ASTN2: variants seen among roughly 807,000 people sequenced by gnomAD.
ASTN2 encodes the protein astrotactin-2.
ASTN2 carries 54 observed loss-of-function variants against 139.8 expected under a neutral mutation model. The ratio of observed to expected loss-of-function variants is 0.39; its 90% CI spans 0.31 to 0.48. ASTN2 has a LOEUF of 0.48. ASTN2 is among the 20% of genes least tolerant of loss of function. ASTN2 has a pLI of 0.95. For missense variants in ASTN2, 1,565 were observed against 1,725.1 expected (o/e 0.91, Z 1.64); for synonymous variants, 756 against 719.5 (o/e 1.05, Z -0.81).
At chr9:117,044,320 C>T (rs1374806020) in intron 5 of ASTN2, among the ~76,000 whole-genome samples, 2 of 152,156 alleles carry the variant, frequency 1.3e-5, no homozygotes, top group African/African-American at 4.8e-5. Flanking sequence ...TGTGGGGCCC[C>T]ATTTACTCGG....
intron 19 of ASTN2, among the ~76,000 whole-genome samples, chr9:116,565,620 A>C (rs1178432908): frequency 7.0e-6 from 1 of 143,778 alleles, no homozygotes; most frequent in Non-Finnish European, 1.5e-5. Context: ...GACCATGGGC[A>C]CACACCACCA....
chr9:117,409,779 G>C (rs960736516), intron 1 of ASTN2, among the ~76,000 whole-genome samples: 1 of 152,170 alleles, frequency 6.6e-6, no homozygotes, highest in Non-Finnish European at 1.5e-5. Context: ...ACCACACTCA[G>C]CTCATTGTTG....
At chr9:117,190,367 T>C (rs1290085808) in intron 3 of ASTN2, among the ~76,000 whole-genome samples, 2 of 152,308 alleles carry the variant, frequency 1.3e-5, no homozygotes, top group African/African-American at 2.4e-5. Flanking sequence ...GTTTCCATAG[T>C]ACAATCTCTA....
chr9:116,952,749 A>G (rs1835599350), intron 10 of ASTN2, among the ~76,000 whole-genome samples: 1 of 152,210 alleles, frequency 6.6e-6, no homozygotes, highest in African/African-American at 2.4e-5. Flanking sequence ...ATTGGCCTCA[A>G]GCCTCTTCCT....
In ASTN2 at chr9:116,682,770, G is replaced by A. The variant is rs548100996; in HGVS notation, c.2807-30977C>T. The stretch of plus-strand genomic sequence containing the variant: ...AAATCATCATTCTCAGTAAACTATC[G>A]TAAGAACAAAAAACCAAACACCGCA... On this transcript the variant is annotated intron_variant, in intron 16 of 22. Coordinates refer to ENST00000313400, the MANE Select transcript of ASTN2 (RefSeq NM_001365068.1). 1.2e-4 allele frequency among the ~76,000 whole-genome samples: 19 copies of A among 152,120 alleles called. No individual in the cohort carries two copies. The South Asian group carries it at 1.7e-3, about 13-fold the overall frequency.
chr9:116,538,030 G>A (rs1851718354), intron 19 of ASTN2, among the ~76,000 whole-genome samples: 1 of 152,126 alleles, frequency 6.6e-6, no homozygotes, highest in Non-Finnish European at 1.5e-5. Flanking sequence ...ATCAAAATTT[G>A]AAACAAGATC....
intron 13 of ASTN2, among the ~76,000 whole-genome samples, chr9:116,747,379 G>A (rs1271862202): frequency 6.6e-6 from 1 of 152,136 alleles, no homozygotes; most frequent in African/African-American, 2.4e-5. Flanking sequence ...AAAAGTAAAG[G>A]TTGACTTGTT....
In ASTN2 at chr9:116,698,311, A is replaced by C. The variant is rs745730451; in HGVS notation, c.2806+27460T>G. The C allele has an allele frequency of 6.2e-7, 1 of 1,614,200 alleles. No individual in the cohort carries two copies. The highest frequency in any genetic ancestry group is 1.7e-5 in the Admixed American group (1 of 60,034). The stretch of plus-strand genomic sequence containing the variant: ...AAAGCAGTTCTCCAGGAGTATGGGC[A>C]TGAGGAGCGCAGGGTCCAGGATGAG... On this transcript the variant is annotated intron_variant, in intron 16 of 22. Transcript: ENST00000313400. The surrounding 1 kb of genome is among the most constrained non-coding windows in gnomAD (Gnocchi z 4.4).
intron 10 of ASTN2, among the ~76,000 whole-genome samples, chr9:116,891,562 C>T (rs372212476): frequency 4.6e-5 from 7 of 152,186 alleles, no homozygotes; most frequent in African/African-American, 1.7e-4. Context: ...CATGGGTGTG[C>T]ACAAAGTCCC....
At chr9:116,483,475 G>C (rs1849238477) in intron 20 of ASTN2, among the ~76,000 whole-genome samples, 1 of 152,102 alleles carries the variant, frequency 6.6e-6, no homozygotes, top group East Asian at 1.9e-4. Context: ...AGTGGGGTCA[G>C]AGAGAGGGAG....
intron 19 of ASTN2, among the ~76,000 whole-genome samples, chr9:116,604,215 G>T (rs1174575846): frequency 4.6e-5 from 7 of 152,154 alleles, no homozygotes; most frequent in Non-Finnish European, 8.8e-5. Context: ...ATGAATGAGT[G>T]TGCTTTGTGA....
chr9:116,792,530 C>T (rs973845235), intron 13 of ASTN2, among the ~76,000 whole-genome samples: 2 of 152,168 alleles, frequency 1.3e-5, no homozygotes, highest in African/African-American at 4.8e-5. Flanking sequence ...TCAATAAGTG[C>T]CTTCTCTGTT....
intron 22 of ASTN2, among the ~76,000 whole-genome samples, chr9:116,431,523 C>CA (rs1252971076): frequency 6.6e-6 from 1 of 152,124 alleles, no homozygotes; most frequent in African/African-American, 2.4e-5. Context: ...GCAGCCAGAT[C>CA]ATGATACTGA....
At chr9:116,725,675 C>T in intron 16 of ASTN2, 96 bp downstream of exon 16, 3 of 1,309,932 alleles carry the variant, frequency 2.3e-6, no homozygotes, top group South Asian at 1.4e-5. Flanking sequence ...CGTGGCAGAG[C>T]CAGGATTTAG....
At chr9:117,235,967 C>A (rs1833032552) in intron 2 of ASTN2, among the ~76,000 whole-genome samples, 1 of 152,150 alleles carries the variant, frequency 6.6e-6, no homozygotes, top group Non-Finnish European at 1.5e-5. Flanking sequence ...TTTCAGAGAA[C>A]TAAAGGCAGG....
At chr9:116,852,229 G>GT (rs1832625798) in intron 11 of ASTN2, among the ~76,000 whole-genome samples, 1 of 152,170 alleles carries the variant, frequency 6.6e-6, no homozygotes, top group African/African-American at 2.4e-5. Flanking sequence ...ATGGCCCTGG[G>GT]TTTTGCTCAT....
intron 10 of ASTN2, among the ~76,000 whole-genome samples, chr9:116,884,813 C>CCCA (rs1053750951): frequency 3.2e-5 from 4 of 123,890 alleles, no homozygotes; most frequent in Admixed American, 8.0e-5. Context: ...GCCCCCCCCC[C>CCCA]ACCCACTTTT....
At chr9:117,163,941 G>T (rs1259306513) in intron 3 of ASTN2, among the ~76,000 whole-genome samples, 1 of 152,018 alleles carries the variant, frequency 6.6e-6, no homozygotes, top group Non-Finnish European at 1.5e-5. Context: ...CCAGCGACCA[G>T]CATAGTGCCT....
Position 116,953,548 on chromosome 9 carries a change from C to G in ASTN2, c.1889+21660G>C, listed in dbSNP as rs528384361. Among the ~76,000 whole-genome samples, 4 of 152,156 alleles carry G rather than the reference C, an allele frequency of 2.6e-5. No homozygotes were observed. The East Asian group carries it at 7.7e-4, about 29-fold the overall frequency. On this transcript the variant is annotated intron_variant, in intron 10 of 22. Coordinates refer to ENST00000313400, the MANE Select transcript of ASTN2 (RefSeq NM_001365068.1). ...AATTTTCTAGCTCCTGGTTAGGACC[C>G]GAATTACAGAGACCAGGCAGCTGTC...
Sources: gnomAD v4.1 joint callset for allele counts (sites outside exome capture counted in the v4.1 genomes callset) on GRCh38, gnomAD v4.1.1 for gene constraint, Gnocchi (gnomAD v3.1) non-coding constraint, MANE v1.5 for transcripts, NCBI Gene and HGNC (gene_info 2026-07-23, HGNC 2026-07-21) for gene names.